KITLG: variants seen among roughly 807,000 people sequenced by gnomAD.
KITLG encodes the protein c-Kit ligand.
Under a neutral mutation model 34.1 loss-of-function variants are expected in KITLG, and 13 were observed. The observed-to-expected ratio is 0.38, with a 90% CI of 0.25 to 0.61. KITLG has a LOEUF of 0.61. KITLG is among the 20% of genes least tolerant of loss of function. KITLG has a pLI of 0.60. For missense variants in KITLG, 292 were observed against 318.9 expected, an observed-to-expected ratio of 0.92 and a Z score of 0.64; for synonymous variants, 110 against 104.0, an observed-to-expected ratio of 1.06 and a Z score of -0.35.
chr12:88,500,151 A>C (rs1868794377), intron 9 of KITLG, among the ~76,000 whole-genome samples: 1 of 152,208 alleles, frequency 6.6e-6, no homozygotes, highest in South Asian at 2.1e-4. Context: ...ACCCTTGAAC[A>C]CAGTTTCTAC....
chr12:88,572,729 T>G (rs912312639), intron 1 of KITLG, among the ~76,000 whole-genome samples: 1 of 151,826 alleles, frequency 6.6e-6, no homozygotes, highest in African/African-American at 2.4e-5. Flanking sequence ...GCTAATAATT[T>G]CCTCTGAATT....
chr12:88,525,541 C>T (rs532872531), intron 3 of KITLG, among the ~76,000 whole-genome samples: 35 of 151,984 alleles, frequency 2.3e-4, no homozygotes, highest in African/African-American at 8.0e-4. Flanking sequence ...AAAGAGAACA[C>T]AACAACAAAA....
At chr12:88,550,253 T>C (rs927560488) in intron 1 of KITLG, among the ~76,000 whole-genome samples, 2 of 151,268 alleles carry the variant, frequency 1.3e-5, no homozygotes, top group Non-Finnish European at 2.9e-5. Flanking sequence ...GTGAAGAGAG[T>C]TTTATTTGTA....
intron 9 of KITLG, among the ~76,000 whole-genome samples, chr12:88,501,199 T>C (rs1175828185): frequency 1.3e-5 from 2 of 152,170 alleles, no homozygotes; most frequent in African/African-American, 4.8e-5. Flanking sequence ...AATTATAGGT[T>C]ATTTCCTTAA....
chr12:88,571,913 G>T (rs866432128), intron 1 of KITLG, among the ~76,000 whole-genome samples: 3 of 152,104 alleles, frequency 2.0e-5, no homozygotes, highest in Non-Finnish European at 2.9e-5. Context: ...GAAAGACCTT[G>T]TCTTAGTTTT....
At chr12:88,571,246 G>A (rs188343473) in intron 1 of KITLG, among the ~76,000 whole-genome samples, 1 of 152,168 alleles carries the variant, frequency 6.6e-6, no homozygotes, top group Non-Finnish European at 1.5e-5. Context: ...TATTAAGTAA[G>A]TGCCAGTTGC....
chr12:88,518,455 T>C (rs950877276), intron 4 of KITLG, among the ~76,000 whole-genome samples: 10 of 152,224 alleles, frequency 6.6e-5, no homozygotes, highest in African/African-American at 2.4e-4. Flanking sequence ...TTTTGCATTG[T>C]AATGTAAATA....
At chr12:88,525,457 T>C (rs1869830894) in intron 3 of KITLG, among the ~76,000 whole-genome samples, 1 of 152,162 alleles carries the variant, frequency 6.6e-6, no homozygotes. Context: ...CATTGGATTG[T>C]CTAAAGAATG....
intron 7 of KITLG, 137 bp from the exon 8 acceptor site, chr12:88,506,515 T>A: frequency 1.4e-6 from 1 of 699,438 alleles, no homozygotes; most frequent in South Asian, 1.6e-5. Context: ...ATGCAAAATA[T>A]CTTTGTAATA....
intron 3 of KITLG, among the ~76,000 whole-genome samples, chr12:88,528,031 A>G (rs756228805): frequency 2.0e-5 from 3 of 152,162 alleles, no homozygotes; most frequent in Non-Finnish European, 4.4e-5. Flanking sequence ...AAGCAGCACA[A>G]ATTTGTTATT....
At chr12:88,560,967 C>CA (rs34851499) in intron 1 of KITLG, among the ~76,000 whole-genome samples, 780 of 58,034 alleles carry the variant, frequency 0.013, 42 homozygotes, top group African/African-American at 0.045. Context: ...GACTCTGTCT[C>CA]AAAAAAAAAA....
chr12:88,545,095 T>G (rs1385349724), intron 2 of KITLG, among the ~76,000 whole-genome samples: 1 of 152,172 alleles, frequency 6.6e-6, no homozygotes, highest in Non-Finnish European at 1.5e-5. Context: ...AGATGTGTTA[T>G]GCCCACTCTG....
chr12:88,525,172 A>T (rs1217436340), intron 3 of KITLG, among the ~76,000 whole-genome samples: 2 of 152,230 alleles, frequency 1.3e-5, no homozygotes, highest in Non-Finnish European at 2.9e-5. Context: ...ATCTGCACAA[A>T]TAGAATGAGG....
intron 1 of KITLG, among the ~76,000 whole-genome samples, chr12:88,551,720 A>G (rs1236873804): frequency 6.6e-6 from 1 of 152,226 alleles, no homozygotes; most frequent in East Asian, 1.9e-4. Flanking sequence ...CATGTGTCCC[A>G]TATGGGAGCT....
chr12:88,565,046 G>A (rs1871400639), intron 1 of KITLG, among the ~76,000 whole-genome samples: 1 of 152,082 alleles, frequency 6.6e-6, no homozygotes, highest in Non-Finnish European at 1.5e-5. Context: ...TATTTTTGCT[G>A]AACTCCTTAA....
rs565023822 is a variant in KITLG at position 88,494,520 on chromosome 12, T to A, written c.*2699A>T. On this transcript the variant is annotated 3_prime_UTR_variant, in exon 10 of 10. Transcript: ENST00000644744. ...TTTTAAGAGAATAGGCTACTTGTTC[T>A]ATTATTGTATTGAAGAAAAATTAAT... 4 of 152,600 alleles carry A rather than the reference T, an allele frequency of 2.6e-5. No individual in the cohort carries two copies. The South Asian group carries it at 8.3e-4, about 32-fold the overall frequency. The allele number at this position is 152,600 out of a possible 1,614,324, so 9.5% of individuals were successfully genotyped here.
intron 1 of KITLG, among the ~76,000 whole-genome samples, chr12:88,575,255 GAAATCAGCC>G (rs1871789829): frequency 6.6e-6 from 1 of 152,086 alleles, no homozygotes. Flanking sequence ...GTTAATAAAA[GAAATCAGCC>G]TCCTAATATC....
chr12:88,515,699 C>A, intron 5 of KITLG, 82 bp from the exon 6 acceptor site: 1 of 995,762 alleles, frequency 1.0e-6, no homozygotes, highest in Admixed American at 1.8e-5. Context: ...AGTGCAATAC[C>A]AGATTACTTG....
chr12:88,567,964 A>G (rs1241270095), intron 1 of KITLG, among the ~76,000 whole-genome samples: 1 of 152,248 alleles, frequency 6.6e-6, no homozygotes. Flanking sequence ...TTTGAGGCTC[A>G]TTTTAGAAGA....
Sources: gnomAD v4.1 joint callset for allele counts (sites outside exome capture counted in the v4.1 genomes callset) on GRCh38, gnomAD v4.1.1 for gene constraint, MANE v1.5 for transcripts, NCBI Gene and HGNC (gene_info 2026-07-23, HGNC 2026-07-21) for gene names.